The following ASAP2 variants were observed in gnomAD, a reference collection of about 807,000 sequenced individuals.
ASAP2 encodes arf-GAP with SH3 domain, ANK repeat and PH domain-containing protein 2.
Under a neutral mutation model 131.4 loss-of-function variants are expected in ASAP2, and 45 were observed. The observed-to-expected ratio is 0.34, with a 90% CI of 0.27 to 0.44. The LOEUF (loss-of-function observed/expected upper bound fraction) is 0.44, where lower values mean the gene tolerates loss of function less well. Ranked by LOEUF, ASAP2 falls within the 20% of genes least tolerant of loss-of-function variation. ASAP2 has a pLI of 1.00. For synonymous variants in ASAP2, 510 were observed against 503.0 expected, an observed-to-expected ratio of 1.01 and a Z score of -0.19; for missense variants, 1,011 against 1,297.0, an observed-to-expected ratio of 0.78 and a Z score of 3.39.
At position 9,268,716 on chromosome 2, in the gene ASAP2, T is replaced by C. The variant is rs757259814; in HGVS notation, c.127-10601T>C. On this transcript the variant is annotated intron_variant, in intron 1 of 27. Transcript: ENST00000281419. The surrounding 1 kb of genome is among the most constrained non-coding windows in gnomAD (Gnocchi z 4.1). ...CCTGGGTGTGTTTTGTTTTTTGTTT[T>C]GTCTACTGTCTTTCAGAAATGTCCC... 5.9e-5 allele frequency among the ~76,000 whole-genome samples: 9 copies of C among 152,238 alleles called. No individual in the cohort carries two copies. The highest frequency in any genetic ancestry group is 1.0e-4 in the Non-Finnish European group (7 of 68,042).
At chr2:9,379,559 G>A (rs1674669083) in intron 19 of ASAP2, among the ~76,000 whole-genome samples, 1 of 152,118 alleles carries the variant, frequency 6.6e-6, no homozygotes, top group Non-Finnish European at 1.5e-5. Context: ...CGAGGACCCC[G>A]ACATGCCAAC....
chr2:9,313,298 C>T (rs1340771899), intron 3 of ASAP2, among the ~76,000 whole-genome samples: 6 of 152,198 alleles, frequency 3.9e-5, no homozygotes, highest in Non-Finnish European at 7.3e-5. Flanking sequence ...ATTAACAGCA[C>T]CTAAGTTCTT....
chr2:9,334,351 C>T (rs1201109809), intron 7 of ASAP2, among the ~76,000 whole-genome samples: 3 of 151,846 alleles, frequency 2.0e-5, no homozygotes, highest in East Asian at 1.9e-4. Context: ...CCACAGCACC[C>T]GGCCTCTGCA....
At chr2:9,361,581 T>C (rs1248543211) in intron 15 of ASAP2, among the ~76,000 whole-genome samples, 1 of 152,114 alleles carries the variant, frequency 6.6e-6, no homozygotes, top group Non-Finnish European at 1.5e-5. Context: ...TTTCCTTTTC[T>C]TTTTTTGACA....
At chr2:9,329,186 A>T (rs1318298844) in intron 7 of ASAP2, among the ~76,000 whole-genome samples, 1 of 152,244 alleles carries the variant, frequency 6.6e-6, no homozygotes, top group Non-Finnish European at 1.5e-5. Flanking sequence ...CCAAGGTGAC[A>T]TAAGCTCAGT....
At chr2:9,275,316 C>T (rs1666692012) in intron 1 of ASAP2, among the ~76,000 whole-genome samples, 1 of 152,104 alleles carries the variant, frequency 6.6e-6, no homozygotes, top group African/African-American at 2.4e-5. Context: ...ACATTCTTCC[C>T]ACCTTGGCCT....
At chr2:9,226,850 G>C (rs1278831788) in intron 1 of ASAP2, among the ~76,000 whole-genome samples, 3 of 152,208 alleles carry the variant, frequency 2.0e-5, no homozygotes, top group Middle Eastern at 3.2e-3. Flanking sequence ...GGACCAGAAA[G>C]GCGGGAGGTC....
intron 1 of ASAP2, among the ~76,000 whole-genome samples, chr2:9,253,082 CGTTTTTTGTT>C (rs1664838412): frequency 6.6e-6 from 1 of 152,130 alleles, no homozygotes; most frequent in South Asian, 2.1e-4. Context: ...AAACGAAAGT[CGTTTTTTGTT>C]GTTTTTTAAA....
At chr2:9,378,318 G>A (rs1032667637) in intron 18 of ASAP2, among the ~76,000 whole-genome samples, 4 of 152,154 alleles carry the variant, frequency 2.6e-5, no homozygotes, top group Admixed American at 6.5e-5. Context: ...AGCACCTTTT[G>A]TGGGTGACCT....
At chr2:9,384,002 G>A (rs1192458139) in intron 20 of ASAP2, among the ~76,000 whole-genome samples, 2 of 152,000 alleles carry the variant, frequency 1.3e-5, no homozygotes, top group Non-Finnish European at 2.9e-5. Context: ...ATCACAAACC[G>A]GGGCCTGTCA....
At chr2:9,323,738 C>G (rs979360061) in intron 6 of ASAP2, among the ~76,000 whole-genome samples, 5 of 152,176 alleles carry the variant, frequency 3.3e-5, no homozygotes, top group Admixed American at 6.5e-5. Flanking sequence ...GGCGGGGGCA[C>G]TCATCTAGCC....
At chr2:9,381,949 T>C (rs1384522777) in intron 20 of ASAP2, among the ~76,000 whole-genome samples, 1 of 151,084 alleles carries the variant, frequency 6.6e-6, no homozygotes, top group East Asian at 2.0e-4. Flanking sequence ...GTCCTCTTTC[T>C]AAGCACTGTA....
At chr2:9,317,445 C>CAG (rs1669811211) in intron 3 of ASAP2, among the ~76,000 whole-genome samples, 1 of 14,082 alleles carries the variant, frequency 7.1e-5, no homozygotes, top group Non-Finnish European at 1.9e-4. Context: ...CTCACATTCT[C>CAG]ACACACACAT....
chr2:9,214,777 TAAA>T (rs34474684), intron 1 of ASAP2, among the ~76,000 whole-genome samples: 58 of 103,062 alleles, frequency 5.6e-4, no homozygotes, highest in Middle Eastern at 6.0e-3. Flanking sequence ...CCTGGACGTC[TAAA>T]AAAAAAAAAA....
intron 1 of ASAP2, among the ~76,000 whole-genome samples, chr2:9,256,101 A>G (rs1379332762): frequency 1.3e-5 from 2 of 150,818 alleles, no homozygotes; most frequent in African/African-American, 4.9e-5. Context: ...AGTCATTGAC[A>G]TATTTGCACG....
intron 1 of ASAP2, among the ~76,000 whole-genome samples, chr2:9,275,240 A>G (rs946830240): frequency 2.6e-5 from 4 of 151,742 alleles, no homozygotes; most frequent in African/African-American, 9.7e-5. Flanking sequence ...CGGCTAACTT[A>G]TTTTTATTTT....
intron 16 of ASAP2, among the ~76,000 whole-genome samples, chr2:9,368,873 C>T (rs974042995): frequency 2.0e-5 from 3 of 152,042 alleles, no homozygotes; most frequent in African/African-American, 7.2e-5. Context: ...CCTGAGCCAC[C>T]GAGATGGCTG....
intron 1 of ASAP2, among the ~76,000 whole-genome samples, chr2:9,250,435 G>A (rs1009243567): frequency 6.6e-6 from 1 of 152,202 alleles, no homozygotes; most frequent in Non-Finnish European, 1.5e-5. Context: ...TGGGAGTGGG[G>A]ATGCAGGATG....
At chr2:9,266,693 A>G (rs1291558253) in intron 1 of ASAP2, among the ~76,000 whole-genome samples, 2 of 152,200 alleles carry the variant, frequency 1.3e-5, no homozygotes, top group Non-Finnish European at 2.9e-5. Context: ...AAATGAAAGA[A>G]GTGTTTCTCT....
Sources: allele counts gnomAD v4.1 joint callset (sites outside exome capture counted in the v4.1 genomes callset), GRCh38; gene constraint gnomAD v4.1.1; non-coding constraint Gnocchi (gnomAD v3.1); transcripts MANE v1.5; gene names NCBI Gene and HGNC (gene_info 2026-07-23, HGNC 2026-07-21).